Variants in CDC42BPA observed in about 807,000 individuals in gnomAD.
The protein encoded by CDC42BPA is CDC42 binding protein kinase alpha.
In CDC42BPA, 80 loss-of-function variants were observed where a neutral mutation model predicts 223.5. That is an observed-to-expected ratio of 0.36 (90% confidence interval 0.30 to 0.43). The LOEUF is 0.43. CDC42BPA is among the 20% of genes least tolerant of loss of function. CDC42BPA has a pLI of 1.00. For missense variants in CDC42BPA, 1,743 were observed against 2,099.9 expected, an observed-to-expected ratio of 0.83 and a Z score of 3.32; for synonymous variants, 694 against 718.6, an observed-to-expected ratio of 0.97 and a Z score of 0.55.
chr1:227,200,336 C>T (rs939098526), intron 3 of CDC42BPA, among the ~76,000 whole-genome samples: 7 of 151,414 alleles, frequency 4.6e-5, no homozygotes, highest in African/African-American at 1.2e-4. Flanking sequence ...GAGGCTAAGA[C>T]GGGAGAATTG....
intron 5 of CDC42BPA, among the ~76,000 whole-genome samples, chr1:227,166,569 T>C (rs184077889): frequency 7.4e-4 from 113 of 152,334 alleles, no homozygotes; most frequent in African/African-American, 2.6e-3. Flanking sequence ...GGTTTCCTTT[T>C]TCCTTCAGAC....
Position 227,006,632 on chromosome 1 carries a change from A to T in CDC42BPA, c.4858-1521T>A, listed in dbSNP as rs564089506. On this transcript the variant is annotated intron_variant, in intron 34 of 36. Transcript: ENST00000366766. Reference sequence around the variant, plus strand: ...CAGTATCACTTTCAAACCTCCTTTTAGTCACATCGAAACAGCCATTCTGGC... The same window carrying T: ...CAGTATCACTTTCAAACCTCCTTTTTGTCACATCGAAACAGCCATTCTGGC... Among the ~76,000 whole-genome samples, 13 of 152,278 alleles carry T rather than the reference A, an allele frequency of 8.5e-5. No homozygotes were observed. In the East Asian group the frequency reaches 2.3e-3, roughly 27 times the overall value.
chr1:226,998,276 C>T (rs951671208), intron 35 of CDC42BPA, among the ~76,000 whole-genome samples: 5 of 152,144 alleles, frequency 3.3e-5, no homozygotes, highest in African/African-American at 1.2e-4. Flanking sequence ...ATTTTCTTCA[C>T]AGAATTAGAA....
chr1:227,133,374 A>G (rs1157262286), intron 10 of CDC42BPA, among the ~76,000 whole-genome samples: 2 of 146,056 alleles, frequency 1.4e-5, no homozygotes, highest in Non-Finnish European at 3.0e-5. Context: ...CAGCTGCCCC[A>G]TCCGGGAGGT....
At chr1:227,131,477 G>C (rs957070899) in intron 10 of CDC42BPA, among the ~76,000 whole-genome samples, 1 of 152,182 alleles carries the variant, frequency 6.6e-6, no homozygotes, top group Non-Finnish European at 1.5e-5. Context: ...GAAACTAAAT[G>C]AATCTTTCCA....
At chr1:227,108,518 CAT>C (rs1343862542) in intron 14 of CDC42BPA, among the ~76,000 whole-genome samples, 3 of 151,956 alleles carry the variant, frequency 2.0e-5, no homozygotes, top group South Asian at 2.1e-4. Flanking sequence ...TTTGGCCTAA[CAT>C]GTGGTCTATC....
At chr1:227,152,055 C>T (rs1051806048) in intron 6 of CDC42BPA, among the ~76,000 whole-genome samples, 1 of 151,740 alleles carries the variant, frequency 6.6e-6, no homozygotes, top group Admixed American at 6.6e-5. Flanking sequence ...AAATAAATAC[C>T]TTGTCCATTT....
chr1:227,048,443 A>G (rs1185516577), intron 22 of CDC42BPA, among the ~76,000 whole-genome samples: 1 of 152,010 alleles, frequency 6.6e-6, no homozygotes, highest in Admixed American at 6.5e-5. Flanking sequence ...TAGAACATAT[A>G]TTACATATAT....
At chr1:227,117,861 T>C (rs1179124135) in intron 12 of CDC42BPA, among the ~76,000 whole-genome samples, 3 of 152,144 alleles carry the variant, frequency 2.0e-5, no homozygotes, top group Non-Finnish European at 4.4e-5. Flanking sequence ...TGAGAGATAT[T>C]TGTAACACAT....
chr1:227,185,172 A>G (rs1459567820), intron 5 of CDC42BPA, among the ~76,000 whole-genome samples: 2 of 152,050 alleles, frequency 1.3e-5, no homozygotes, highest in East Asian at 1.9e-4. Flanking sequence ...TTAAAAAAAC[A>G]AAGTTCTTGG....
intron 2 of CDC42BPA, among the ~76,000 whole-genome samples, chr1:227,225,673 T>TTCA (rs1226311709): frequency 1.3e-5 from 2 of 152,222 alleles, no homozygotes; most frequent in Non-Finnish European, 2.9e-5. Flanking sequence ...TATTCTTGTA[T>TTCA]TCAGTTCCTT....
chr1:227,273,549 C>CCAA (rs1180836328), intron 1 of CDC42BPA, among the ~76,000 whole-genome samples: 3 of 143,214 alleles, frequency 2.1e-5, no homozygotes, highest in African/African-American at 5.1e-5. Context: ...AAAAAAAAAA[C>CCAA]CAACAACAAC....
chr1:227,053,283 T>C (rs1489425625), intron 21 of CDC42BPA, among the ~76,000 whole-genome samples: 1 of 152,154 alleles, frequency 6.6e-6, no homozygotes, highest in Non-Finnish European at 1.5e-5. Flanking sequence ...TGGGAAACAC[T>C]ATCGTGCCCT....
In CDC42BPA at chr1:227,119,845, G is replaced by T. The variant is rs781006054; in HGVS notation, c.1606C>A (p.Gln536Lys). The T allele has an allele frequency of 2.9e-5, 47 of 1,597,068 alleles. No homozygotes were observed. The South Asian group carries it at 5.2e-4, about 18-fold the overall frequency. The change falls in exon 12 of 37, where the codon CAA becomes AAA. Residue 536 changes from glutamine (Q) to lysine (K), a missense_variant. Coordinates refer to ENST00000366766, the MANE Select transcript of CDC42BPA (RefSeq NM_001394014.1). ...CTTTCTTGTTGTAACGTTTTGATTT[G>T]TTTTTCATAAGCCTTGATTTGTCTA... ...AFRQIKAYEK[Q>K]IKTLQQERED...
At chr1:227,245,135 G>C (rs1464851619) in intron 2 of CDC42BPA, among the ~76,000 whole-genome samples, 1 of 152,158 alleles carries the variant, frequency 6.6e-6, no homozygotes, top group African/African-American at 2.4e-5. Flanking sequence ...CTAGTGCTTA[G>C]AGCCAGTGAA....
chr1:227,316,975 T>C lies in CDC42BPA; in HGVS notation c.178+30A>G, dbSNP rs765075719. ...TAAATCATAATGACCAGCTAAAGAT[T>C]AACAGTTTCTTTAAAAATTACAAAC... On this transcript the variant is annotated intron_variant, in intron 1 of 36. Transcript: ENST00000366766. 1.1e-5 allele frequency: 17 copies of C among 1,526,720 alleles called. No homozygotes were observed. The South Asian group carries it at 1.5e-4, about 13-fold the overall frequency. 94.6% of individuals were successfully genotyped at this position (1,526,720 alleles called of 1,614,324 possible). A position where few individuals can be genotyped will look rare whatever the true frequency, so the allele number is the denominator to read the frequency against.
At chr1:227,167,363 T>C (rs924333333) in intron 5 of CDC42BPA, among the ~76,000 whole-genome samples, 28 of 152,212 alleles carry the variant, frequency 1.8e-4, no homozygotes, top group African/African-American at 6.8e-4. Context: ...AAATACTCTT[T>C]AAGATGACAA....
chr1:227,011,321 G>C (rs1665160336), intron 34 of CDC42BPA, among the ~76,000 whole-genome samples: 1 of 152,252 alleles, frequency 6.6e-6, no homozygotes, highest in Non-Finnish European at 1.5e-5. Context: ...TGGACTTTCA[G>C]AGATACAAGA....
chr1:227,199,783 T>C (rs1671400394), intron 3 of CDC42BPA, 131 bp from the exon 4 acceptor site: 1 of 465,438 alleles, frequency 2.1e-6, no homozygotes, highest in Non-Finnish European at 3.7e-6. Context: ...GACATTTCAA[T>C]AACACAAGTT....
Sources: allele counts gnomAD v4.1 joint callset (sites outside exome capture counted in the v4.1 genomes callset), GRCh38; gene constraint gnomAD v4.1.1; transcripts MANE v1.5; gene names NCBI Gene and HGNC (gene_info 2026-07-23, HGNC 2026-07-21).